Variants in RNGTT observed in about 807,000 individuals in gnomAD.
The protein encoded by RNGTT is mRNA-capping enzyme.
Under a neutral mutation model 79.3 loss-of-function variants are expected in RNGTT, and 33 were observed. That is an observed-to-expected ratio of 0.42 (90% confidence interval 0.32 to 0.56). The LOEUF is 0.56. Ranked by LOEUF, RNGTT falls within the 20% of genes least tolerant of loss-of-function variation. The pLI, the probability that RNGTT is intolerant of heterozygous loss-of-function variation, is 0.17. For missense variants in RNGTT, 497 were observed against 739.1 expected, an observed-to-expected ratio of 0.67 and a Z score of 3.80; for synonymous variants, 222 against 235.9, an observed-to-expected ratio of 0.94 and a Z score of 0.54.
intron 14 of RNGTT, among the ~76,000 whole-genome samples, chr6:88,649,206 A>T (rs773219654): frequency 3.3e-5 from 5 of 152,238 alleles, no homozygotes; most frequent in Non-Finnish European, 7.3e-5. Flanking sequence ...ATTTTGAGAC[A>T]TGTAACAGAC....
chr6:88,941,019 A>C, intron 2 of RNGTT, 52 bp downstream of exon 2: 1 of 1,084,876 alleles, frequency 9.2e-7, no homozygotes, highest in Non-Finnish European at 1.4e-6. Flanking sequence ...CTGAAGAACA[A>C]GACTGAACAA....
At chr6:88,837,610 T>C (rs1781124892) in intron 11 of RNGTT, among the ~76,000 whole-genome samples, 4 of 151,804 alleles carry the variant, frequency 2.6e-5, no homozygotes, top group Admixed American at 1.3e-4. Context: ...TTTAAAATAA[T>C]ATATTAAGAC....
Position 88,906,357 on chromosome 6 carries a change from A to T in RNGTT, c.443+8T>A. 1 of 1,552,254 alleles carries T rather than the reference A, an allele frequency of 6.4e-7. No homozygotes were observed. Among genetic ancestry groups the T allele is most frequent in the Non-Finnish European group, 8.8e-7 (1 of 1,142,302 alleles). ...AATACATCTTCCATTATAACAAGAT[A>T]CAAATACCTCCAATCCATTTTCTCC... On this transcript the variant is annotated splice_region_variant and intron_variant, in intron 5 of 15. Coordinates refer to ENST00000369485, the MANE Select transcript of RNGTT (RefSeq NM_003800.5).
chr6:88,644,620 T>C (rs9353583), intron 14 of RNGTT, among the ~76,000 whole-genome samples: 40,056 of 151,618 alleles, frequency 0.26, 9,230 homozygotes, highest in African/African-American at 0.63. Context: ...ACTGGCAAAC[T>C]GAATCCAGCA....
At chr6:88,705,741 CTA>C (rs1190786216) in intron 13 of RNGTT, among the ~76,000 whole-genome samples, 3 of 152,078 alleles carry the variant, frequency 2.0e-5, no homozygotes, top group African/African-American at 7.2e-5. Context: ...AATGTTCTGA[CTA>C]TGGTCAGCAC....
In RNGTT at chr6:88,678,340, T is replaced by C. The variant is rs763549985; in HGVS notation, c.1506+13A>G. 2 of 1,587,376 alleles carry C rather than the reference T, an allele frequency of 1.3e-6. No individual in the cohort carries two copies. The highest frequency in any genetic ancestry group is 1.2e-5 in the South Asian group (1 of 86,906). On this transcript the variant is annotated intron_variant, in intron 14 of 15. Coordinates refer to ENST00000369485, the MANE Select transcript of RNGTT (RefSeq NM_003800.5). The stretch of plus-strand genomic sequence containing the variant: ...ACATCCAGGAAAAGTACACTGAAAA[T>C]GAACAAACATACCTTGATTTGTGCA...
At chr6:88,903,553 C>T (rs888062304) in intron 6 of RNGTT, among the ~76,000 whole-genome samples, 11 of 152,098 alleles carry the variant, frequency 7.2e-5, no homozygotes, top group African/African-American at 2.2e-4. Context: ...TTCTATGTTT[C>T]GAAGCAATTT....
intron 10 of RNGTT, 56 bp from the exon 11 acceptor site, chr6:88,844,577 T>G (rs2127901034): frequency 1.3e-6 from 2 of 1,507,614 alleles, no homozygotes; most frequent in South Asian, 2.4e-5. Flanking sequence ...TTTATCAGCA[T>G]AATTATCAAG....
At chr6:88,806,901 A>G (rs947632018) in intron 11 of RNGTT, among the ~76,000 whole-genome samples, 3 of 152,260 alleles carry the variant, frequency 2.0e-5, no homozygotes, top group African/African-American at 7.2e-5. Flanking sequence ...ACAATGGAAT[A>G]CTATGCAGCC....
At chr6:88,664,765 G>A (rs1165114040) in intron 14 of RNGTT, among the ~76,000 whole-genome samples, 1 of 152,206 alleles carries the variant, frequency 6.6e-6, no homozygotes, top group Admixed American at 6.5e-5. Context: ...TGGCTGAGGG[G>A]TTATTGGACC....
rs560223136 is a variant in RNGTT at position 88,717,086 on chromosome 6, A to C, written c.1440-38667T>G. ...AATAAGTGAGAACTTATGGTTTAGAATAGAAAGCCTCCACTGGCTCCACAA... is the reference window on the plus strand; with the variant it reads ...AATAAGTGAGAACTTATGGTTTAGACTAGAAAGCCTCCACTGGCTCCACAA... On this transcript the variant is annotated intron_variant, in intron 13 of 15. Coordinates refer to ENST00000369485, the MANE Select transcript of RNGTT (RefSeq NM_003800.5). Among the ~76,000 whole-genome samples, 107 of 152,362 alleles carry C rather than the reference A, an allele frequency of 7.0e-4. 1 individual carries two copies. In the South Asian group the frequency reaches 0.013, roughly 19 times the overall value.
At chr6:88,909,139 C>G (rs764123681) in intron 4 of RNGTT, among the ~76,000 whole-genome samples, 3 of 152,188 alleles carry the variant, frequency 2.0e-5, no homozygotes, top group Admixed American at 6.5e-5. Flanking sequence ...TGTGGCCTGA[C>G]AGCCAGCCAA....
chr6:88,712,209 T>G (rs1776342851), intron 13 of RNGTT, among the ~76,000 whole-genome samples: 2 of 152,182 alleles, frequency 1.3e-5, no homozygotes, highest in Admixed American at 6.5e-5. Context: ...ACAGCTCATA[T>G]AAGGCAAAAT....
chr6:88,695,063 A>G (rs1035684605), intron 13 of RNGTT, among the ~76,000 whole-genome samples: 1 of 152,162 alleles, frequency 6.6e-6, no homozygotes, highest in Non-Finnish European at 1.5e-5. Context: ...CTGTAAAACT[A>G]CTGGAAAAAA....
At chr6:88,617,834 T>C (rs966059796) in intron 14 of RNGTT, among the ~76,000 whole-genome samples, 2 of 151,826 alleles carry the variant, frequency 1.3e-5, no homozygotes, top group Admixed American at 6.6e-5. Flanking sequence ...TTGTATCTTC[T>C]TTGATTTCTT....
chr6:88,856,909 G>C (rs1269215264), intron 8 of RNGTT, among the ~76,000 whole-genome samples: 2 of 152,028 alleles, frequency 1.3e-5, no homozygotes, highest in South Asian at 4.2e-4. Flanking sequence ...TATTAATTAG[G>C]AAATTATCTC....
intron 14 of RNGTT, among the ~76,000 whole-genome samples, chr6:88,658,062 T>C (rs1232508898): frequency 2.0e-5 from 3 of 152,142 alleles, no homozygotes; most frequent in Non-Finnish European, 4.4e-5. Context: ...TCCTGGCCAA[T>C]GTAGGGCAAG....
chr6:88,796,623 T>C (rs966723967), intron 12 of RNGTT, among the ~76,000 whole-genome samples: 30 of 152,162 alleles, frequency 2.0e-4, no homozygotes, highest in African/African-American at 7.2e-4. Flanking sequence ...AAGGCATGGG[T>C]TAAAGGTTGA....
intron 11 of RNGTT, among the ~76,000 whole-genome samples, chr6:88,830,201 G>C (rs1482871432): frequency 6.6e-6 from 1 of 152,120 alleles, no homozygotes. Context: ...TCAGACCACA[G>C]TGCAATCAAA....
Sources: gnomAD v4.1 joint callset for allele counts (sites outside exome capture counted in the v4.1 genomes callset) on GRCh38, gnomAD v4.1.1 for gene constraint, MANE v1.5 for transcripts, NCBI Gene and HGNC (gene_info 2026-07-23, HGNC 2026-07-21) for gene names.